Variants in DNAJB6 observed in about 807,000 individuals in gnomAD.
DNAJB6 encodes DnaJ heat shock protein family (Hsp40) member B6, also known as dnaJ homolog subfamily B member 6.
Under a neutral mutation model 42.7 loss-of-function variants are expected in DNAJB6, and 16 were observed. The ratio of observed to expected loss-of-function variants is 0.37; its 90% CI spans 0.25 to 0.57. DNAJB6 has a LOEUF of 0.57. Ranked by LOEUF, DNAJB6 falls within the 20% of genes least tolerant of loss-of-function variation. The pLI is 0.74. For synonymous variants in DNAJB6, 170 were observed against 163.5 expected (o/e 1.04, Z -0.30); for missense variants, 347 against 416.8 (o/e 0.83, Z 1.46).
intron 8 of DNAJB6, among the ~76,000 whole-genome samples, chr7:157,401,028 C>A (rs10440910): frequency 2.0e-5 from 3 of 151,822 alleles, no homozygotes; most frequent in African/African-American, 7.3e-5. Flanking sequence ...GCTGTGGTCC[C>A]TGCTTTGCCG....
At position 157,375,674 on chromosome 7, in the gene DNAJB6, C is replaced by T. The variant is rs555481746; in HGVS notation, c.347-6572C>T. ...GCTCCGGCCGTGTTCTTCATTGGCT[C>T]CCATTGCGTGTTGTATTCCAGATTC... On this transcript the variant is annotated intron_variant, in intron 5 of 9. Coordinates refer to ENST00000262177, the MANE Select transcript of DNAJB6 (RefSeq NM_058246.4). 7.9e-4 allele frequency among the ~76,000 whole-genome samples: 121 copies of T among 152,306 alleles called. No homozygotes were observed. The Middle Eastern group carries it at 0.014, about 17-fold the overall frequency.
chr7:157,390,311 C>T (rs181982469), intron 8 of DNAJB6, among the ~76,000 whole-genome samples: 50 of 152,370 alleles, frequency 3.3e-4, no homozygotes, highest in African/African-American at 1.2e-3. Context: ...TTCTCCACTC[C>T]TGGGAGCCCT....
intron 8 of DNAJB6, among the ~76,000 whole-genome samples, chr7:157,407,625 A>G (rs1436152323): frequency 6.6e-6 from 1 of 151,954 alleles, no homozygotes; most frequent in Non-Finnish European, 1.5e-5. Flanking sequence ...ACCTGTGCTG[A>G]GTCTCTCCTT....
At chr7:157,353,718 G>A (rs980747256) in intron 1 of DNAJB6, among the ~76,000 whole-genome samples, 17 of 151,816 alleles carry the variant, frequency 1.1e-4, no homozygotes, top group East Asian at 9.7e-4. Context: ...GGAATGCCGC[G>A]GTGCAGTCCT....
At chr7:157,410,096 T>C in intron 9 of DNAJB6, 95 bp downstream of exon 9, 9 of 1,442,016 alleles carry the variant, frequency 6.2e-6, no homozygotes, top group Non-Finnish European at 8.2e-6. Flanking sequence ...TGGGCTGCTG[T>C]GTTCTGACCT....
At chr7:157,392,099 CAAAAAAA>C (rs57861175) in intron 8 of DNAJB6, among the ~76,000 whole-genome samples, 3 of 112,260 alleles carry the variant, frequency 2.7e-5, no homozygotes, top group African/African-American at 3.3e-5. Flanking sequence ...GACCCTGTCT[CAAAAAAA>C]AAAAAAAAAA....
intron 8 of DNAJB6, among the ~76,000 whole-genome samples, chr7:157,408,450 C>T (rs1471651353): frequency 6.6e-6 from 1 of 152,198 alleles, no homozygotes; most frequent in African/African-American, 2.4e-5. Context: ...TTGCCCTCCC[C>T]TCTGGGGACA....
intron 1 of DNAJB6, among the ~76,000 whole-genome samples, chr7:157,341,817 A>G (rs1438595371): frequency 2.6e-5 from 4 of 152,224 alleles, no homozygotes; most frequent in Non-Finnish European, 4.4e-5. Context: ...CCAGAATTCA[A>G]GAAAGTTGGA....
intron 5 of DNAJB6, chr7:157,369,435 C>T (rs754443727): frequency 1.3e-5 from 6 of 456,440 alleles, no homozygotes; most frequent in East Asian, 6.9e-5. Context: ...GAAGAAGGCC[C>T]GCTCTTCCAA....
chr7:157,375,426 T>G (rs1226734743), intron 5 of DNAJB6, among the ~76,000 whole-genome samples: 1 of 152,224 alleles, frequency 6.6e-6, no homozygotes, highest in Non-Finnish European at 1.5e-5. Context: ...CTTCGATAGA[T>G]TTTTGTAACT....
rs1584884772 is a variant in DNAJB6, at chr7:157,350,934, A to G, written c.-26-7613A>G. Reference sequence around the variant, plus strand: ...TTAGCCAGCTGCTTAACTTTTGTCCAGTCTTTTTTTTTTTTTTGAGACAGA... The same window carrying G: ...TTAGCCAGCTGCTTAACTTTTGTCCGGTCTTTTTTTTTTTTTTGAGACAGA... On this transcript the variant is annotated intron_variant, in intron 1 of 9. Coordinates refer to ENST00000262177, the MANE Select transcript of DNAJB6 (RefSeq NM_058246.4). Among the ~76,000 whole-genome samples the G allele has an allele frequency of 3.5e-5, 5 of 141,670 alleles. No individual in the cohort carries two copies. The South Asian group carries it at 8.9e-4, about 25-fold the overall frequency. 92.9% of individuals were successfully genotyped at this position (141,670 alleles called of 152,430 possible).
intron 9 of DNAJB6, among the ~76,000 whole-genome samples, 192 bp from the exon 10 acceptor site, chr7:157,415,824 T>C (rs1796094641): frequency 6.6e-6 from 1 of 152,218 alleles, no homozygotes; most frequent in Non-Finnish European, 1.5e-5. Context: ...TGAAGCTCTC[T>C]GGGTAGTGTG....
chr7:157,403,601 A>G (rs1563149958), intron 8 of DNAJB6, among the ~76,000 whole-genome samples: 2 of 152,220 alleles, frequency 1.3e-5, no homozygotes, highest in East Asian at 3.9e-4. Flanking sequence ...CCTCCTGAGT[A>G]GCTGGGACCA....
chr7:157,340,275 A>G (rs930501575), intron 1 of DNAJB6, among the ~76,000 whole-genome samples: 1 of 152,188 alleles, frequency 6.6e-6, no homozygotes, highest in African/African-American at 2.4e-5. Context: ...TGGTTTGGTT[A>G]AATTTGTGCA....
intron 1 of DNAJB6, among the ~76,000 whole-genome samples, chr7:157,347,167 TTTG>T: frequency 6.6e-6 from 1 of 152,330 alleles, no homozygotes; most frequent in African/African-American, 2.4e-5. Context: ...CTATTTTCAT[TTTG>T]TTGTTTCTGT....
At chr7:157,386,756 CGCCTG>C (rs1801083054) in intron 8 of DNAJB6, among the ~76,000 whole-genome samples, 1 of 151,906 alleles carries the variant, frequency 6.6e-6, no homozygotes, top group Non-Finnish European at 1.5e-5. Context: ...TGGTGGCAGG[CGCCTG>C]TAATCCCAGC....
chr7:157,390,218 C>A (rs910162774), intron 8 of DNAJB6, among the ~76,000 whole-genome samples: 1 of 152,182 alleles, frequency 6.6e-6, no homozygotes. Context: ...CCACACCCCT[C>A]CTGCTGTGCG....
At chr7:157,351,826 C>T (rs1798995442) in intron 1 of DNAJB6, among the ~76,000 whole-genome samples, 2 of 148,864 alleles carry the variant, frequency 1.3e-5, no homozygotes, top group African/African-American at 5.0e-5. Context: ...AAAAACAAAA[C>T]AAAAAAAACC....
At chr7:157,413,384 C>T (rs2116680636) in intron 9 of DNAJB6, 1 of 152,368 alleles carries the variant, frequency 6.6e-6, no homozygotes, top group African/African-American at 2.4e-5. Flanking sequence ...TTGTGAAGCA[C>T]AGCATGGAGC....
Sources: allele counts gnomAD v4.1 joint callset (sites outside exome capture counted in the v4.1 genomes callset), GRCh38; gene constraint gnomAD v4.1.1; transcripts MANE v1.5; gene names NCBI Gene and HGNC (gene_info 2026-07-23, HGNC 2026-07-21).